RAPGEF6: variants seen among roughly 807,000 people sequenced by gnomAD.
The protein encoded by RAPGEF6 is PDZ domain containing guanine nucleotide exchange factor (GEF) 2.
Under a neutral mutation model 171.4 loss-of-function variants are expected in RAPGEF6, and 56 were observed. The ratio of observed to expected loss-of-function variants is 0.33; its 90% CI spans 0.26 to 0.41. The LOEUF is 0.41. Ranked by LOEUF, RAPGEF6 falls within the 10% of genes least tolerant of loss-of-function variation. The pLI is 1.00. For missense variants in RAPGEF6, 1,674 were observed against 1,921.4 expected, an observed-to-expected ratio of 0.87 and a Z score of 2.41; for synonymous variants, 692 against 650.1, an observed-to-expected ratio of 1.06 and a Z score of -0.98.
Position 131,468,649 on chromosome 5 carries a change from G to A in RAPGEF6, c.2239+3938C>T, listed in dbSNP as rs140292160. Among the ~76,000 whole-genome samples, 880 of 152,252 alleles carry A rather than the reference G, an allele frequency of 5.8e-3. 5 individuals carry two copies. Among genetic ancestry groups the A allele is most frequent in the Middle Eastern group, 0.01 (3 of 294 alleles). On this transcript the variant is annotated intron_variant, in intron 17 of 27. Transcript: ENST00000509018. ...ATTGTTGAATAAATATTTATGAAGT[G>A]CCTGTTATGTGTCAACAGGGTTCCA... is the stretch of plus-strand genomic sequence containing the variant.
chr5:131,443,049 A>G (rs1201517589), intron 22 of RAPGEF6, among the ~76,000 whole-genome samples: 2 of 151,836 alleles, frequency 1.3e-5, no homozygotes, highest in African/African-American at 4.8e-5. Context: ...TGTTCAAGTG[A>G]TTCTCCTGCC....
At chr5:131,511,579 C>T (rs78860470) in intron 7 of RAPGEF6, among the ~76,000 whole-genome samples, 1,870 of 150,736 alleles carry the variant, frequency 0.012, 33 homozygotes, top group African/African-American at 0.043. Flanking sequence ...TCACTGCAAC[C>T]TTGTCCTCCT....
chr5:131,521,251 A>G, intron 7 of RAPGEF6, 139 bp downstream of exon 7: 1 of 828,520 alleles, frequency 1.2e-6, no homozygotes, highest in Non-Finnish European at 1.8e-6. Context: ...TTGACACAGT[A>G]TATAAAGCTT....
Position 131,433,536 on chromosome 5 carries a change from C to T in RAPGEF6, c.3868G>A (p.Asp1290Asn), listed in dbSNP as rs149327887. Residue 1290 changes from aspartate (D) to asparagine (N), a missense_variant, in exon 25 of 28, where the codon GAT becomes AAT. By Grantham distance (23) the Asp-to-Asn change is conservative. Coordinates refer to ENST00000509018, the MANE Select transcript of RAPGEF6 (RefSeq NM_016340.6). ...AGGGCCTGAGAGGAACACCGTTCAT[C>T]CTGTAGAGCTGCAGACATGGAGTCA... ...SVDSMSAALQ[D>N]ERCSSQALAV... is the part of the protein sequence containing the mutation. The T allele has an allele frequency of 1.9e-5, 31 of 1,613,660 alleles. No homozygotes were observed. In the African/African-American group the frequency reaches 3.7e-4, roughly 19 times the overall value.
intron 24 of RAPGEF6, among the ~76,000 whole-genome samples, chr5:131,438,635 C>G (rs921991521): frequency 5.3e-5 from 8 of 152,208 alleles, no homozygotes; most frequent in Admixed American, 3.9e-4. Context: ...AAGAAATACA[C>G]ACCATATTTA....
At chr5:131,580,707 C>T (rs1762909125) in intron 4 of RAPGEF6, among the ~76,000 whole-genome samples, 1 of 152,210 alleles carries the variant, frequency 6.6e-6, no homozygotes, top group African/African-American at 2.4e-5. Flanking sequence ...ATGGCTGCTG[C>T]CCTTGCTGGA....
rs1429102408 is a variant in RAPGEF6, at chr5:131,449,864, CT to C, written c.3201-3162del. Among the ~76,000 whole-genome samples, 5 of 152,310 alleles carry C rather than the reference CT, an allele frequency of 3.3e-5. No individual in the cohort carries two copies. The East Asian group carries it at 9.6e-4, about 29-fold the overall frequency. ...AAAGGAAAAATAGCTAGTTCTATCA[CT>C]ACTTTCACCTTGTTAGCAGAAGGCA... On this transcript the variant is annotated intron_variant, in intron 21 of 27. Transcript: ENST00000509018.
At chr5:131,528,378 C>T (rs1462468360) in intron 6 of RAPGEF6, among the ~76,000 whole-genome samples, 1 of 131,420 alleles carries the variant, frequency 7.6e-6, no homozygotes, top group Non-Finnish European at 1.5e-5. Flanking sequence ...AGTATGGAGC[C>T]TGTTTTATGG....
intron 23 of RAPGEF6, 91 bp downstream of exon 23, chr5:131,442,258 G>C: frequency 7.9e-7 from 1 of 1,267,378 alleles, no homozygotes; most frequent in Non-Finnish European, 1.1e-6. Context: ...ACCTACAACA[G>C]CTTATCTCCT....
intron 6 of RAPGEF6, among the ~76,000 whole-genome samples, chr5:131,523,070 A>T (rs1470637261): frequency 6.6e-6 from 1 of 152,170 alleles, no homozygotes; most frequent in African/African-American, 2.4e-5. Context: ...CAATAAAACC[A>T]GGCACATATG....
At chr5:131,481,678 G>A (rs531548569) in intron 15 of RAPGEF6, among the ~76,000 whole-genome samples, 1 of 152,254 alleles carries the variant, frequency 6.6e-6, no homozygotes, top group African/African-American at 2.4e-5. Context: ...ATCTCCTTGG[G>A]ATAAAGCAAA....
intron 7 of RAPGEF6, among the ~76,000 whole-genome samples, chr5:131,512,374 CT>C (rs148603194): frequency 6.3e-4 from 90 of 143,734 alleles, no homozygotes; most frequent in East Asian, 6.1e-4. Context: ...TTTTTTTCTT[CT>C]TTTTTTTTTT....
At chr5:131,555,774 GT>G (rs1761199038) in intron 5 of RAPGEF6, among the ~76,000 whole-genome samples, 1 of 151,856 alleles carries the variant, frequency 6.6e-6, no homozygotes, top group African/African-American at 2.4e-5. Context: ...ATTATAATTA[GT>G]TACATATAAC....
chr5:131,604,565 T>C (rs1764436062), intron 2 of RAPGEF6, 58 bp downstream of exon 2: 2 of 1,565,712 alleles, frequency 1.3e-6, no homozygotes. Flanking sequence ...AAATATTTGG[T>C]GAATAAATGA....
chr5:131,508,386 G>A (rs1196716388), intron 8 of RAPGEF6, among the ~76,000 whole-genome samples, 179 bp from the exon 9 acceptor site: 1 of 152,134 alleles, frequency 6.6e-6, no homozygotes, highest in East Asian at 1.9e-4. Context: ...TGATTAATAT[G>A]TATATTCAGA....
intron 6 of RAPGEF6, among the ~76,000 whole-genome samples, chr5:131,529,390 C>G (rs952595747): frequency 2.6e-5 from 4 of 151,648 alleles, no homozygotes; most frequent in Admixed American, 6.6e-5. Flanking sequence ...ACAGGAGACT[C>G]GCTTTGACCC....
chr5:131,512,654 A>G (rs941188157), intron 7 of RAPGEF6, among the ~76,000 whole-genome samples: 3 of 152,194 alleles, frequency 2.0e-5, no homozygotes, highest in African/African-American at 4.8e-5. Flanking sequence ...TCTTTAAATT[A>G]GACAAGCTAG....
At chr5:131,514,182 A>T (rs1757926975) in intron 7 of RAPGEF6, among the ~76,000 whole-genome samples, 5 of 152,242 alleles carry the variant, frequency 3.3e-5, no homozygotes, top group Admixed American at 3.3e-4. Flanking sequence ...ATAAAACAGG[A>T]ATTAAGAATA....
At chr5:131,560,278 A>G (rs1761516550) in intron 5 of RAPGEF6, among the ~76,000 whole-genome samples, 1 of 152,186 alleles carries the variant, frequency 6.6e-6, no homozygotes, top group Admixed American at 6.5e-5. Flanking sequence ...TGTCTTACAG[A>G]ACCACAGTAT....
Sources: gnomAD v4.1 joint callset for allele counts (sites outside exome capture counted in the v4.1 genomes callset) on GRCh38, gnomAD v4.1.1 for gene constraint, MANE v1.5 for transcripts, NCBI Gene and HGNC (gene_info 2026-07-23, HGNC 2026-07-21) for gene names.